FREM1: variants seen among roughly 807,000 people sequenced by gnomAD.
The protein encoded by FREM1 is FRAS1-related extracellular matrix protein 1.
In FREM1, 220 loss-of-function variants were observed where a neutral mutation model predicts 210.1. That is an observed-to-expected ratio of 1.05 (90% confidence interval 0.94 to 1.17). FREM1 has a LOEUF of 1.17. FREM1 is among the 50% of genes most tolerant of loss of function. FREM1 has a pLI of 0.00. For synonymous variants in FREM1, 1,189 were observed against 980.2 expected (o/e 1.21, Z -3.98); for missense variants, 3,454 against 2,675.5 (o/e 1.29, Z -6.42).
chr9:14,874,086 A>C (rs1286901960), intron 1 of FREM1, among the ~76,000 whole-genome samples: 1 of 152,128 alleles, frequency 6.6e-6, no homozygotes, highest in Non-Finnish European at 1.5e-5. Context: ...CTTTACTTCC[A>C]ACTATGTGGT....
intron 1 of FREM1, among the ~76,000 whole-genome samples, chr9:14,890,228 C>A (rs569549415): frequency 6.6e-6 from 1 of 152,340 alleles, no homozygotes; most frequent in Admixed American, 6.5e-5. Context: ...CCCATGATGA[C>A]CAAGGCTGCA....
At chr9:14,852,677 G>T (rs541434368) in intron 5 of FREM1, among the ~76,000 whole-genome samples, 1 of 152,180 alleles carries the variant, frequency 6.6e-6, no homozygotes, top group Admixed American at 6.5e-5. Flanking sequence ...CTGGGCAAGA[G>T]AGTGAGACTT....
intron 1 of FREM1, among the ~76,000 whole-genome samples, chr9:14,878,730 T>G (rs988438080): frequency 2.0e-5 from 3 of 152,184 alleles, no homozygotes; most frequent in African/African-American, 4.8e-5. Flanking sequence ...AACCCTAGTG[T>G]CTAGAACAAT....
intron 4 of FREM1, among the ~76,000 whole-genome samples, 190 bp downstream of exon 4, chr9:14,858,993 A>C (rs1019587071): frequency 1.3e-5 from 2 of 152,220 alleles, no homozygotes; most frequent in Non-Finnish European, 2.9e-5. Flanking sequence ...CAGAAAATAA[A>C]GAACAGATGA....
intron 29 of FREM1, among the ~76,000 whole-genome samples, chr9:14,755,673 C>G (rs148833715): frequency 6.6e-6 from 1 of 152,172 alleles, no homozygotes; most frequent in African/African-American, 2.4e-5. Flanking sequence ...GTCCTTCATC[C>G]TGGAGTTTTC....
chr9:14,748,828 T>C (rs1842882616), intron 30 of FREM1, among the ~76,000 whole-genome samples, 189 bp from the exon 31 acceptor site: 1 of 152,196 alleles, frequency 6.6e-6, no homozygotes, highest in Admixed American at 6.5e-5. Flanking sequence ...AAAGCTGTGC[T>C]CGTCTGCACA....
chr9:14,749,054 G>C (rs1374399458), intron 30 of FREM1, among the ~76,000 whole-genome samples: 1 of 152,124 alleles, frequency 6.6e-6, no homozygotes, highest in Non-Finnish European at 1.5e-5. Context: ...ATTGTTTAAA[G>C]ATGTCATAGA....
At chr9:14,781,586 C>T (rs1490743441) in intron 24 of FREM1, among the ~76,000 whole-genome samples, 4 of 152,142 alleles carry the variant, frequency 2.6e-5, no homozygotes, top group African/African-American at 9.7e-5. Context: ...ATTTATAGTA[C>T]TGTTTTTAGT....
At chr9:14,904,198 G>A (rs180776476) in intron 1 of FREM1, among the ~76,000 whole-genome samples, 1 of 151,520 alleles carries the variant, frequency 6.6e-6, no homozygotes, top group African/African-American at 2.4e-5. Context: ...CTCCTTAAAA[G>A]GGAACAAAAA....
chr9:14,806,255 T>TTC (rs1818326772), intron 18 of FREM1, among the ~76,000 whole-genome samples: 2 of 119,424 alleles, frequency 1.7e-5, no homozygotes, highest in South Asian at 5.8e-4. Context: ...GCTTTAAACT[T>TTC]TTTTTTTTTT....
rs148503760 is a variant in FREM1 at position 14,876,840 on chromosome 9, G to T, written c.-267-7596C>A. ...ATCTTGGCTGCCTCCCCTTTAATAT[G>T]GTTGTTGAACTTTGACAAGATACAA... On this transcript the variant is annotated intron_variant, in intron 1 of 36. Coordinates refer to ENST00000380880, the MANE Select transcript of FREM1 (RefSeq NM_001379081.2). 4.0e-3 allele frequency among the ~76,000 whole-genome samples: 604 copies of T among 152,204 alleles called. 4 individuals are homozygous for T. The highest frequency in any genetic ancestry group is 0.014 in the African/African-American group (570 of 41,532).
chr9:14,804,164 C>A (rs1817898738), intron 19 of FREM1, among the ~76,000 whole-genome samples: 1 of 152,154 alleles, frequency 6.6e-6, no homozygotes, highest in Admixed American at 6.5e-5. Flanking sequence ...AATGCATTTT[C>A]TCACAAGAAA....
At chr9:14,851,869 A>G (rs1158880950) in intron 5 of FREM1, among the ~76,000 whole-genome samples, 3 of 152,200 alleles carry the variant, frequency 2.0e-5, no homozygotes, top group Non-Finnish European at 4.4e-5. Context: ...TCTTACATGC[A>G]GCCAGGTGAA....
intron 25 of FREM1, among the ~76,000 whole-genome samples, chr9:14,772,902 A>G (rs534330540): frequency 6.6e-6 from 1 of 152,360 alleles, no homozygotes; most frequent in African/African-American, 2.4e-5. Flanking sequence ...TTCCTTAAAA[A>G]TGAAAGTGTT....
chr9:14,757,835 G>A (rs1844715668), intron 28 of FREM1, among the ~76,000 whole-genome samples: 1 of 152,168 alleles, frequency 6.6e-6, no homozygotes, highest in Admixed American at 6.5e-5. Context: ...TGGAAAAGGG[G>A]ATTACCTTCC....
intron 13 of FREM1, among the ~76,000 whole-genome samples, chr9:14,821,975 G>C (rs1821430551): frequency 3.9e-5 from 6 of 152,156 alleles, no homozygotes; most frequent in Admixed American, 3.9e-4. Flanking sequence ...TAATCCCCAT[G>C]TGTCAAGGAT....
In FREM1 at chr9:14,842,439, G is replaced by C. The variant is rs1446533065; in HGVS notation, c.1615C>G (p.Leu539Val). ...GCTCGCAGCATGGATCCCTGGATCA[G>C]GATGGTCTGCCCCTCCTCCAGTTCA... is the stretch of plus-strand genomic sequence containing the variant. ...VIELEEGQTILIQGSMLRASD... is the reference protein window; with the variant it reads ...VIELEEGQTIVIQGSMLRASD... Residue 539 changes from leucine to valine, a missense_variant, in exon 9 of 37, where the codon CTG (leucine) becomes GTG (valine). Coordinates refer to ENST00000380880, the MANE Select transcript of FREM1 (RefSeq NM_001379081.2). 5.2e-5 allele frequency: 84 copies of C among 1,613,996 alleles called. No individual in the cohort carries two copies. Among genetic ancestry groups the C allele is most frequent in the Non-Finnish European group, 7.0e-5 (83 of 1,179,848 alleles).
At chr9:14,855,147 G>A (rs1436923170) in intron 5 of FREM1, among the ~76,000 whole-genome samples, 3 of 151,986 alleles carry the variant, frequency 2.0e-5, no homozygotes, top group Non-Finnish European at 4.4e-5. Context: ...GAACCTGTCT[G>A]TAAGAAAATT....
In FREM1 at chr9:14,805,055, G is replaced by GT; in HGVS notation, c.3371dup (p.Tyr1124Ter). 1 of 1,612,450 alleles carries GT rather than the reference G, an allele frequency of 6.2e-7. No homozygotes were observed. Among genetic ancestry groups the GT allele is most frequent in the Non-Finnish European group, 8.5e-7 (1 of 1,178,554 alleles). ...IEPTADQFTV[Y>*]VTDGKHHSLE... Reference sequence around the variant, plus strand: ...AGGAGTGATGCTTCCCATCTGTGACGTACACCGTGAACTGGTCGGCAGTTG... The same window carrying GT: ...AGGAGTGATGCTTCCCATCTGTGACGTTACACCGTGAACTGGTCGGCAGTTG... The change falls in exon 19 of 37, where the codon TAC (tyrosine) becomes TAAC (stop). Residue 1124 changes from tyrosine (Y) to a stop codon, truncating the protein, a stop_gained and frameshift_variant. Coordinates refer to ENST00000380880, the MANE Select transcript of FREM1 (RefSeq NM_001379081.2). LOFTEE classifies it high-confidence loss of function.
Sources: gnomAD v4.1 joint callset for allele counts (sites outside exome capture counted in the v4.1 genomes callset) on GRCh38, gnomAD v4.1.1 for gene constraint, MANE v1.5 for transcripts, NCBI Gene and HGNC (gene_info 2026-07-23, HGNC 2026-07-21) for gene names.